The following PRIMPOL variants were observed in gnomAD, a reference collection of about 807,000 sequenced individuals.
The protein encoded by PRIMPOL is primase and DNA directed polymerase, also known as DNA-directed primase/polymerase protein.
Under a neutral mutation model 63.6 loss-of-function variants are expected in PRIMPOL, and 54 were observed. That is an observed-to-expected ratio of 0.85 (90% CI 0.68 to 1.07). The LOEUF is 1.07. Among genes scored for constraint, PRIMPOL ranks in the 50% least tolerant of loss-of-function variants. PRIMPOL has a pLI of 0.00. For missense variants in PRIMPOL, 610 were observed against 648.3 expected (o/e 0.94, Z 0.64); for synonymous variants, 197 against 220.2 (o/e 0.89, Z 0.93).
chr4:184,663,932 A>G (rs1301568119), intron 5 of PRIMPOL, among the ~76,000 whole-genome samples: 1 of 152,174 alleles, frequency 6.6e-6, no homozygotes, highest in Non-Finnish European at 1.5e-5. Flanking sequence ...AATTTAGCAG[A>G]TGGTTAATAA....
intron 6 of PRIMPOL, among the ~76,000 whole-genome samples, chr4:184,671,857 C>T (rs1388554965): frequency 1.8e-4 from 27 of 151,390 alleles, no homozygotes; most frequent in African/African-American, 6.1e-4. Flanking sequence ...ATTCGCCCAC[C>T]TCAGCCTCCC....
chr4:184,662,020 T>C, intron 5 of PRIMPOL, 117 bp downstream of exon 5: 1 of 869,246 alleles, frequency 1.2e-6, no homozygotes, highest in South Asian at 2.8e-5. Flanking sequence ...CTTGCTACTC[T>C]TCCTTTTGAC....
rs1458968298 is a variant in PRIMPOL at position 184,694,120 on chromosome 4, G to GTTTACGATT, written c.1426-400_1426-392dup. The GTTTACGATT allele has an allele frequency of 1.9e-4, 115 of 596,698 alleles. No individual in the cohort carries two copies. The African/African-American group carries it at 2.3e-3, about 12-fold the overall frequency. 37.0% of individuals were successfully genotyped at this position (596,698 alleles called of 1,614,324 possible). ...TGTTTTTAATCTTTTTTCAATCCAT[G>GTTTACGATT]TTTACGATTTGCTAAATACTTTAAA... On this transcript the variant is annotated intron_variant, in intron 13 of 13. Transcript: ENST00000314970.
intron 2 of PRIMPOL, 36 bp from the exon 3 acceptor site, chr4:184,657,042 CAAAG>C (rs1258681562): frequency 3.5e-6 from 3 of 853,882 alleles, no homozygotes; most frequent in East Asian, 3.1e-5. Flanking sequence ...ATATTCTAAA[CAAAG>C]AAATTAATGG....
At chr4:184,656,771 C>CTTAT (rs1197019729) in intron 2 of PRIMPOL, among the ~76,000 whole-genome samples, 1 of 152,112 alleles carries the variant, frequency 6.6e-6, no homozygotes, top group Non-Finnish European at 1.5e-5. Context: ...TTAGAGATTG[C>CTTAT]TTATGTCTTA....
intron 7 of PRIMPOL, among the ~76,000 whole-genome samples, chr4:184,677,495 C>T (rs1754405892): frequency 6.7e-6 from 1 of 150,020 alleles, no homozygotes; most frequent in African/African-American, 2.4e-5. Flanking sequence ...TGATCTATTC[C>T]TGTCTAATAT....
intron 13 of PRIMPOL, among the ~76,000 whole-genome samples, chr4:184,692,470 T>TTA: frequency 8.5e-5 from 1 of 11,790 alleles, no homozygotes; most frequent in East Asian, 6.1e-3. Context: ...CGACTCTGCC[T>TTA]CAAAAAAAAA....
At chr4:184,671,974 TTGTGA>T (rs1449143573) in intron 6 of PRIMPOL, among the ~76,000 whole-genome samples, 194 bp from the exon 7 acceptor site, 9 of 151,958 alleles carry the variant, frequency 5.9e-5, no homozygotes. Context: ...TCTCCCGACC[TTGTGA>T]TCCGCCCGCC....
Position 184,652,406 on chromosome 4 carries a change from G to GA in PRIMPOL, c.-60+317dup, listed in dbSNP as rs11307336. ...TGGGGAGGATAGAAAGGAGGAACTG[G>GA]AAAAAAAAAAAGCACAATATATCGC... On this transcript the variant is annotated intron_variant, in intron 2 of 13. Coordinates refer to ENST00000314970, the MANE Select transcript of PRIMPOL (RefSeq NM_152683.4). Among the ~76,000 whole-genome samples the GA allele has an allele frequency of 4.4e-3, 650 of 148,828 alleles. 7 individuals carry two copies. Among genetic ancestry groups the GA allele is most frequent in the African/African-American group, 0.015 (613 of 40,336 alleles).
At chr4:184,656,961 A>G in intron 2 of PRIMPOL, 121 bp from the exon 3 acceptor site, 4 of 480,558 alleles carry the variant, frequency 8.3e-6, no homozygotes, top group South Asian at 4.5e-5. Flanking sequence ...TTCTGTGGTA[A>G]AACTTCATGC....
chr4:184,691,785 AGT>A, intron 13 of PRIMPOL, 73 bp downstream of exon 13: 1 of 1,164,230 alleles, frequency 8.6e-7, no homozygotes, highest in Non-Finnish European at 1.3e-6. Context: ...AGCCATGAGT[AGT>A]GTCCAAATAG....
rs147314180 is a variant in PRIMPOL at position 184,678,240 on chromosome 4, A to G, written c.853A>G (p.Thr285Ala). The G allele has an allele frequency of 5.4e-4, 853 of 1,574,426 alleles. 3 individuals carry two copies. The highest frequency in any genetic ancestry group is 6.8e-4 in the Non-Finnish European group (787 of 1,164,976). ...KHLFVDLGVY[T>A]RNRNFRLYKS... ...ATCAATTTTTGATGTAGGAGTTTAT[A>G]CAAGAAATAGAAACTTTCGGCTATA... Residue 285 changes from threonine to alanine, a missense_variant, in exon 8 of 14, where the codon ACA becomes GCA. Thr to Ala is a moderately conservative substitution (Grantham distance 58). Transcript: ENST00000314970.
intron 11 of PRIMPOL, 99 bp downstream of exon 11, chr4:184,685,783 A>G (rs912006693): frequency 1.3e-5 from 8 of 594,970 alleles, no homozygotes; most frequent in African/African-American, 9.8e-5. Flanking sequence ...TTGTTTTAAA[A>G]ATAAATTTAG....
In PRIMPOL at chr4:184,672,351, G is replaced by A. The variant is rs549819226; in HGVS notation, c.735G>A (p.Ser245=). 7.2e-5 allele frequency: 116 copies of A among 1,614,124 alleles called. No individual in the cohort carries two copies. In the East Asian group the frequency reaches 2.0e-3, roughly 28 times the overall value. The change falls in exon 7 of 14, where the codon TCG becomes TCA. Residue 245 remains serine, a synonymous_variant. Transcript: ENST00000314970. The part of the protein sequence containing the change: ...TEKATEESWT[S]NSKKLERLGS... ...AGGCTACAGAGGAAAGCTGGACATCGAATTCAAAGAAACTGGAGAGGCTGG... is the reference window on the plus strand; with the variant it reads ...AGGCTACAGAGGAAAGCTGGACATCAAATTCAAAGAAACTGGAGAGGCTGG...
chr4:184,690,233 T>C (rs531783751), intron 11 of PRIMPOL, among the ~76,000 whole-genome samples: 1 of 152,338 alleles, frequency 6.6e-6, no homozygotes, highest in African/African-American at 2.4e-5. Context: ...GCTTAGTTTA[T>C]TTTTATGTAG....
At chr4:184,689,556 A>G (rs1446809576) in intron 11 of PRIMPOL, among the ~76,000 whole-genome samples, 6 of 62,460 alleles carry the variant, frequency 9.6e-5, no homozygotes, top group African/African-American at 2.4e-4. Flanking sequence ...GGCTTCAAGC[A>G]ATTCTCCTGC....
At chr4:184,669,221 A>G (rs757954253) in intron 6 of PRIMPOL, among the ~76,000 whole-genome samples, 26 of 152,072 alleles carry the variant, frequency 1.7e-4, no homozygotes, top group Non-Finnish European at 3.4e-4. Flanking sequence ...CCTTACAGCA[A>G]CTCCAAAAGG....
chr4:184,669,452 G>A (rs892283078), intron 6 of PRIMPOL, among the ~76,000 whole-genome samples: 6 of 152,214 alleles, frequency 3.9e-5, no homozygotes, highest in South Asian at 2.1e-4. Flanking sequence ...AGGGACTGCC[G>A]TCAGGGTGTG....
intron 2 of PRIMPOL, among the ~76,000 whole-genome samples, chr4:184,655,074 A>C (rs1745940703): frequency 1.3e-5 from 2 of 151,688 alleles, no homozygotes; most frequent in Admixed American, 1.3e-4. Context: ...CAGTGTCATA[A>C]TTTCAGCTCA....
Sources: allele counts gnomAD v4.1 joint callset (sites outside exome capture counted in the v4.1 genomes callset), GRCh38; gene constraint gnomAD v4.1.1; transcripts MANE v1.5; gene names NCBI Gene and HGNC (gene_info 2026-07-23, HGNC 2026-07-21).